The following BRINP1 variants were observed in gnomAD, a reference collection of about 807,000 sequenced individuals.
The protein encoded by BRINP1 is BMP/retinoic acid-inducible neural-specific protein 1.
BRINP1 carries 17 observed loss-of-function variants against 72.9 expected under a neutral mutation model. That is an observed-to-expected ratio of 0.23 (90% CI 0.16 to 0.35). The LOEUF (loss-of-function observed/expected upper bound fraction) is 0.35, where lower values mean the gene tolerates loss of function less well. Ranked by LOEUF, BRINP1 falls within the 10% of genes least tolerant of loss-of-function variation. The pLI is 1.00. For synonymous variants in BRINP1, 418 were observed against 378.5 expected, an observed-to-expected ratio of 1.10 and a Z score of -1.21; for missense variants, 850 against 1,001.6, an observed-to-expected ratio of 0.85 and a Z score of 2.04.
intron 7 of BRINP1, among the ~76,000 whole-genome samples, chr9:119,202,629 C>T (rs1484744954): frequency 6.6e-6 from 1 of 152,168 alleles, no homozygotes; most frequent in Non-Finnish European, 1.5e-5. Flanking sequence ...TACTGTGGGT[C>T]CCTGCCTTCC....
intron 7 of BRINP1, among the ~76,000 whole-genome samples, chr9:119,181,009 A>C (rs1416949222): frequency 6.6e-6 from 1 of 152,180 alleles, no homozygotes; most frequent in Admixed American, 6.5e-5. Context: ...CAATTTTTGC[A>C]ATTACACAGT....
At chr9:119,187,942 A>G (rs1209194072) in intron 7 of BRINP1, among the ~76,000 whole-genome samples, 1 of 152,234 alleles carries the variant, frequency 6.6e-6, no homozygotes, top group African/African-American at 2.4e-5. Flanking sequence ...GAGCTTCAAT[A>G]GCTGCCTACA....
At chr9:119,264,599 G>A (rs2118941111) in intron 2 of BRINP1, among the ~76,000 whole-genome samples, 1 of 152,270 alleles carries the variant, frequency 6.6e-6, no homozygotes, top group African/African-American at 2.4e-5. Context: ...TTCACAATTA[G>A]CATCACCCAC....
intron 3 of BRINP1, among the ~76,000 whole-genome samples, chr9:119,248,723 C>T (rs1408115107): frequency 2.0e-5 from 3 of 152,278 alleles, no homozygotes; most frequent in African/African-American, 4.8e-5. Context: ...AAGGTTAAGC[C>T]GTATTTTCAG....
chr9:119,241,985 T>C, intron 4 of BRINP1, 62 bp downstream of exon 4: 1 of 1,526,256 alleles, frequency 6.6e-7, no homozygotes. Flanking sequence ...ACTCTCAGAA[T>C]GCCTGCATTG....
intron 2 of BRINP1, 39 bp from the exon 3 acceptor site, chr9:119,249,189 C>T: frequency 1.3e-6 from 2 of 1,582,144 alleles, no homozygotes; most frequent in East Asian, 2.3e-5. Context: ...CAACTTACCA[C>T]CATTACCCTT....
At chr9:119,205,995 T>TA (rs151039303) in intron 7 of BRINP1, among the ~76,000 whole-genome samples, 14,123 of 152,140 alleles carry the variant, frequency 0.093, 1,188 homozygotes, top group African/African-American at 0.23. Flanking sequence ...ACTTATATGT[T>TA]AAAGTCCTAG....
chr9:119,191,885 C>T (rs1829687125), intron 7 of BRINP1, among the ~76,000 whole-genome samples: 1 of 151,752 alleles, frequency 6.6e-6, no homozygotes, highest in African/African-American at 2.4e-5. Flanking sequence ...CAATATAGAA[C>T]TGGCATAAAA....
At chr9:119,222,773 C>CA (rs1011036378) in intron 5 of BRINP1, among the ~76,000 whole-genome samples, 8 of 151,270 alleles carry the variant, frequency 5.3e-5, no homozygotes, top group East Asian at 1.9e-4. Context: ...ATTTTAACTT[C>CA]AAAAAAAGAT....
chr9:119,338,983 C>T (rs938358262), intron 1 of BRINP1, among the ~76,000 whole-genome samples: 11 of 151,132 alleles, frequency 7.3e-5, no homozygotes, highest in Admixed American at 7.3e-4. Flanking sequence ...GAGAGGAGGA[C>T]AGTGAAAGGA....
chr9:119,213,766 G>A (rs7853697), intron 6 of BRINP1, 153 bp downstream of exon 6: 35,624 of 686,026 alleles, frequency 0.052, 1,481 homozygotes, highest in African/African-American at 0.18. Flanking sequence ...CCTGCTCTGT[G>A]ACAGCTATTA....
chr9:119,193,378 CA>C (rs1392745852), intron 7 of BRINP1, among the ~76,000 whole-genome samples: 1 of 151,886 alleles, frequency 6.6e-6, no homozygotes, highest in Non-Finnish European at 1.5e-5. Context: ...AAAAAGAGCT[CA>C]AATACACAGA....
At chr9:119,305,887 T>C (rs1408750743) in intron 2 of BRINP1, among the ~76,000 whole-genome samples, 2 of 152,132 alleles carry the variant, frequency 1.3e-5, no homozygotes, top group African/African-American at 4.8e-5. Context: ...AGTTTAGAGA[T>C]CAGTAAACAT....
chr9:119,176,911 G>A, intron 7 of BRINP1, among the ~76,000 whole-genome samples: 1 of 152,070 alleles, frequency 6.6e-6, no homozygotes, highest in East Asian at 1.9e-4. Flanking sequence ...TGGGCTCCTT[G>A]AAACCCTCTC....
intron 1 of BRINP1, among the ~76,000 whole-genome samples, chr9:119,342,972 T>C (rs1233489098): frequency 2.0e-5 from 3 of 152,238 alleles, no homozygotes; most frequent in African/African-American, 4.8e-5. Flanking sequence ...CCTCAGTTTA[T>C]AGATTTATAA....
At chr9:119,273,418 C>T (rs1830626100) in intron 2 of BRINP1, among the ~76,000 whole-genome samples, 1 of 152,026 alleles carries the variant, frequency 6.6e-6, no homozygotes. Flanking sequence ...AGAATCTCGG[C>T]TGGGTTTCAG....
intron 4 of BRINP1, among the ~76,000 whole-genome samples, chr9:119,240,192 C>T (rs1830233366): frequency 6.6e-6 from 1 of 152,148 alleles, no homozygotes; most frequent in African/African-American, 2.4e-5. Flanking sequence ...TCGCTTGAAA[C>T]CGGGAACTGG....
At chr9:119,356,661 T>C (rs1305725205) in intron 1 of BRINP1, among the ~76,000 whole-genome samples, 2 of 151,934 alleles carry the variant, frequency 1.3e-5, no homozygotes, top group Non-Finnish European at 2.9e-5. Context: ...AAAAATTGGC[T>C]GGGCATGGTG....
intron 1 of BRINP1, among the ~76,000 whole-genome samples, chr9:119,339,509 C>G (rs1299567536): frequency 3.3e-5 from 5 of 152,200 alleles, no homozygotes; most frequent in Admixed American, 6.5e-5. Flanking sequence ...CAATGCCTAG[C>G]ACATAGTGTA....
Sources: gnomAD v4.1 joint callset for allele counts (sites outside exome capture counted in the v4.1 genomes callset) on GRCh38, gnomAD v4.1.1 for gene constraint, MANE v1.5 for transcripts, NCBI Gene and HGNC (gene_info 2026-07-23, HGNC 2026-07-21) for gene names.